The following MTRES1 variants were observed in gnomAD, a reference collection of about 807,000 sequenced individuals.
MTRES1 encodes mitochondrial transcription rescue factor 1.
In MTRES1, 11 loss-of-function variants were observed where a neutral mutation model predicts 17.4. The observed-to-expected ratio is 0.63, with a 90% CI of 0.40 to 1.05. The LOEUF (loss-of-function observed/expected upper bound fraction) is 1.05, where lower values mean the gene tolerates loss of function less well. Among genes scored for constraint, MTRES1 ranks in the 50% least tolerant of loss-of-function variants. The probability of loss-of-function intolerance (pLI) is 0.00; values close to 1 mark genes in which losing one functional copy is unlikely to be tolerated. For missense variants in MTRES1, 268 were observed against 276.2 expected (o/e 0.97, Z 0.21); for synonymous variants, 94 against 99.6 (o/e 0.94, Z 0.34).
chr6:107,036,121 A>T (rs1326639131), intron 1 of MTRES1, among the ~76,000 whole-genome samples: 1 of 152,140 alleles, frequency 6.6e-6, no homozygotes, highest in Non-Finnish European at 1.5e-5. Context: ...CCGATATTCA[A>T]ATATACTACT....
chr6:107,049,408 CTTT>C (rs782057719), intron 3 of MTRES1, among the ~76,000 whole-genome samples: 2 of 99,360 alleles, frequency 2.0e-5, no homozygotes, highest in Non-Finnish European at 3.8e-5. Context: ...TATGGCCCTT[CTTT>C]TTTTTTTTTT....
intron 2 of MTRES1, among the ~76,000 whole-genome samples, chr6:107,042,937 G>C (rs1554227940): frequency 6.6e-6 from 1 of 152,144 alleles, no homozygotes; most frequent in African/African-American, 2.4e-5. Flanking sequence ...CATCTATTTA[G>C]AAATGCCCTT....
chr6:107,051,322 G>T lies in MTRES1; in HGVS notation c.*86G>T. 3.3e-6 allele frequency: 4 copies of T among 1,214,874 alleles called. No homozygotes were observed. The highest frequency in any genetic ancestry group is 2.4e-5 in the Admixed American group (1 of 41,904). The allele number at this position is 1,214,874 out of a possible 1,614,324, so 75.3% of individuals were successfully genotyped here. A position where few individuals can be genotyped will look rare whatever the true frequency, so the allele number is the denominator to read the frequency against. On this transcript the variant is annotated 3_prime_UTR_variant, in exon 4 of 4. Transcript: ENST00000311381. The stretch of plus-strand genomic sequence containing the variant: ...AATAGGACATTTTTATTAAAATAAA[G>T]TTCTCTTAGCGTTTGTGGAATCTGC...
intron 1 of MTRES1, among the ~76,000 whole-genome samples, chr6:107,033,527 C>A (rs1250516660): frequency 6.6e-6 from 1 of 151,986 alleles, no homozygotes; most frequent in African/African-American, 2.4e-5. Context: ...GTTTCAAAGT[C>A]CTGAGGCAGG....
At chr6:107,031,575 T>C (rs1554226435) in intron 1 of MTRES1, among the ~76,000 whole-genome samples, 1 of 150,590 alleles carries the variant, frequency 6.6e-6, no homozygotes, top group Non-Finnish European at 1.5e-5. Flanking sequence ...CCTGAGTAGC[T>C]AGGATTACAG....
chr6:107,041,884 G>A (rs1774230393), intron 2 of MTRES1, among the ~76,000 whole-genome samples: 1 of 152,062 alleles, frequency 6.6e-6, no homozygotes, highest in South Asian at 2.1e-4. Flanking sequence ...AAGAATAGTG[G>A]CCTTCATTGT....
intron 1 of MTRES1, 34 bp from the exon 2 acceptor site, chr6:107,039,715 T>C (rs1774126422): frequency 1.9e-6 from 3 of 1,559,896 alleles, no homozygotes; most frequent in Non-Finnish European, 2.6e-6. Context: ...GACACTGCAC[T>C]TGTGAGATAA....
At chr6:107,031,058 A>C (rs1471542080) in intron 1 of MTRES1, among the ~76,000 whole-genome samples, 2 of 152,108 alleles carry the variant, frequency 1.3e-5, no homozygotes, top group Non-Finnish European at 2.9e-5. Context: ...AGGACCAAAG[A>C]TAGAGCCCTG....
At chr6:107,041,324 C>A (rs1774207533) in intron 2 of MTRES1, among the ~76,000 whole-genome samples, 1 of 151,274 alleles carries the variant, frequency 6.6e-6, no homozygotes, top group Non-Finnish European at 1.5e-5. Flanking sequence ...AACTTTCTGA[C>A]CCTCAGTTTT....
At chr6:107,046,143 C>G (rs1224441890) in intron 3 of MTRES1, among the ~76,000 whole-genome samples, 1 of 152,192 alleles carries the variant, frequency 6.6e-6, no homozygotes, top group Non-Finnish European at 1.5e-5. Flanking sequence ...GCTCAGTGAG[C>G]TACATGCAGT....
At chr6:107,033,083 A>G (rs1282680900) in intron 1 of MTRES1, among the ~76,000 whole-genome samples, 3 of 152,204 alleles carry the variant, frequency 2.0e-5, no homozygotes, top group African/African-American at 7.2e-5. Context: ...GGGTGGCTAT[A>G]GTAATGGGCA....
rs190219459 is a variant in MTRES1 at position 107,033,812 on chromosome 6, C to T, written c.-13+5541C>T. 3.8e-3 allele frequency among the ~76,000 whole-genome samples: 580 copies of T among 152,054 alleles called. 1 individual carries two copies. Among genetic ancestry groups the T allele is most frequent in the Middle Eastern group, 0.014 (4 of 294 alleles). ...CAGCCTGGGCGACAGAACAAGACTC[C>T]GTCTCAAAAATAATAATAATAATAA... On this transcript the variant is annotated intron_variant, in intron 1 of 3. Coordinates refer to ENST00000311381, the MANE Select transcript of MTRES1 (RefSeq NM_016487.5).
intron 1 of MTRES1, among the ~76,000 whole-genome samples, chr6:107,031,385 CAAA>C (rs782379041): frequency 1.0e-5 from 1 of 97,632 alleles, no homozygotes; most frequent in Non-Finnish European, 1.8e-5. Context: ...GACCCTGTCT[CAAA>C]AAAAAAAAAA....
At chr6:107,038,440 CTG>C (rs1179995734) in intron 1 of MTRES1, among the ~76,000 whole-genome samples, 3 of 152,168 alleles carry the variant, frequency 2.0e-5, no homozygotes, top group Non-Finnish European at 4.4e-5. Flanking sequence ...TTTGAAGTAA[CTG>C]TAGGAGTTGA....
At chr6:107,042,363 A>G (rs925745189) in intron 2 of MTRES1, among the ~76,000 whole-genome samples, 20 of 136,126 alleles carry the variant, frequency 1.5e-4, no homozygotes, top group Non-Finnish European at 2.6e-4. Flanking sequence ...AAAAAGGTTC[A>G]TAAAAATGAG....
intron 3 of MTRES1, among the ~76,000 whole-genome samples, chr6:107,048,858 C>T (rs1349019078): frequency 6.6e-6 from 1 of 150,412 alleles, no homozygotes; most frequent in Non-Finnish European, 1.5e-5. Context: ...TGCCCAGGTA[C>T]CTGTGTTGTC....
At chr6:107,045,856 A>G (rs1554228328) in intron 3 of MTRES1, among the ~76,000 whole-genome samples, 1 of 152,208 alleles carries the variant, frequency 6.6e-6, no homozygotes, top group African/African-American at 2.4e-5. Flanking sequence ...TTCATCTTTC[A>G]TATTTCAAAA....
At chr6:107,042,828 G>A (rs578199048) in intron 2 of MTRES1, among the ~76,000 whole-genome samples, 8 of 152,176 alleles carry the variant, frequency 5.3e-5, no homozygotes, top group Non-Finnish European at 7.3e-5. Flanking sequence ...GAGTACCCCA[G>A]GCCCCTGTCC....
At chr6:107,031,337 G>T (rs1406191283) in intron 1 of MTRES1, among the ~76,000 whole-genome samples, 9 of 139,772 alleles carry the variant, frequency 6.4e-5, no homozygotes, top group Non-Finnish European at 1.2e-4. Context: ...AGCCAAGATC[G>T]CGCCACCCAC....
Sources: gnomAD v4.1 joint callset for allele counts (sites outside exome capture counted in the v4.1 genomes callset) on GRCh38, gnomAD v4.1.1 for gene constraint, MANE v1.5 for transcripts, NCBI Gene and HGNC (gene_info 2026-07-23, HGNC 2026-07-21) for gene names.